EVI5: variants seen among roughly 807,000 people sequenced by gnomAD.
EVI5 encodes ecotropic viral integration site 5 protein homolog.
EVI5 carries 73 observed loss-of-function variants against 112.0 expected under a neutral mutation model. The observed-to-expected ratio is 0.65, with a 90% CI of 0.54 to 0.79. The LOEUF is 0.79. Among genes scored for constraint, EVI5 ranks in the 30% least tolerant of loss-of-function variants. The pLI, the probability that EVI5 is intolerant of heterozygous loss-of-function variation, is 0.00. For synonymous variants in EVI5, 305 were observed against 319.9 expected (o/e 0.95, Z 0.50); for missense variants, 900 against 968.8 (o/e 0.93, Z 0.94).
At chr1:92,632,495 T>C (rs1471061735) in intron 14 of EVI5, among the ~76,000 whole-genome samples, 4 of 152,210 alleles carry the variant, frequency 2.6e-5, no homozygotes, top group African/African-American at 4.8e-5. Flanking sequence ...CTGATGGTAG[T>C]TTGTATTTCT....
intron 2 of EVI5, among the ~76,000 whole-genome samples, chr1:92,715,068 C>A (rs750193482): frequency 2.6e-5 from 4 of 151,832 alleles, no homozygotes; most frequent in Non-Finnish European, 4.4e-5. Flanking sequence ...TGCAGTGGCA[C>A]GATCTCGGCT....
At chr1:92,736,198 CA>C (rs1238733040) in intron 2 of EVI5, among the ~76,000 whole-genome samples, 199 bp downstream of exon 2, 3 of 151,816 alleles carry the variant, frequency 2.0e-5, no homozygotes, top group Admixed American at 6.6e-5. Context: ...ATTAAGAAAA[CA>C]AATCTCTAAA....
At position 92,607,672 on chromosome 1, in the gene EVI5, T is replaced by G; in HGVS notation, c.1883A>C (p.Gln628Pro). ...RRAEQEVISL[Q>P]EKVQYLSAQN... ...TGCAGAAAGATACTGCACTTTCTCC[T>G]GTAGGCTAATCACCTCTTGTTCTGC... Residue 628 changes from glutamine to proline, a missense_variant, in exon 17 of 20, where the codon CAG becomes CCG. Transcript: ENST00000684568. 1 of 1,606,136 alleles carries G rather than the reference T, an allele frequency of 6.2e-7. No individual in the cohort carries two copies. The highest frequency in any genetic ancestry group is 2.2e-5 in the East Asian group (1 of 44,718).
chr1:92,599,387 T>A (rs562320551), intron 18 of EVI5, among the ~76,000 whole-genome samples: 1 of 152,104 alleles, frequency 6.6e-6, no homozygotes, highest in East Asian at 1.9e-4. Flanking sequence ...CTCCCCCTAG[T>A]GGAACTTGAA....
chr1:92,741,849 T>C (rs895294504), intron 1 of EVI5, among the ~76,000 whole-genome samples: 4 of 152,062 alleles, frequency 2.6e-5, no homozygotes, highest in South Asian at 2.1e-4. Flanking sequence ...ACCTAAATAA[T>C]AGAACTAAAA....
intron 10 of EVI5, among the ~76,000 whole-genome samples, chr1:92,676,604 G>C (rs898832700): frequency 6.6e-6 from 1 of 151,986 alleles, no homozygotes; most frequent in African/African-American, 2.4e-5. Context: ...TATGGAGGGG[G>C]GTACAAATTT....
rs1296132373 is a variant in EVI5 at position 92,513,539 on chromosome 1, ATATATATATATATATATATATATATATG to A, written c.*89_*116del. The A allele has an allele frequency of 0.27, 8,044 of 29,402 alleles. 436 individuals carry two copies. The highest frequency in any genetic ancestry group is 0.46 in the East Asian group (258 of 556). 1.8% of individuals were successfully genotyped at this position (29,402 alleles called of 1,614,324 possible). A position where few individuals can be genotyped will look rare whatever the true frequency, so the allele number is the denominator to read the frequency against. On this transcript the variant is annotated 3_prime_UTR_variant, in exon 20 of 20. Transcript: ENST00000684568. ...TATATATATATATATATATATATAT[ATATATATATATATATATATATATATATG>A]TACATATGAAACAAATTATTTCCAA...
At chr1:92,593,431 G>C (rs550806567) in intron 18 of EVI5, among the ~76,000 whole-genome samples, 1 of 152,178 alleles carries the variant, frequency 6.6e-6, no homozygotes, top group Non-Finnish European at 1.5e-5. Context: ...AAAATAATTA[G>C]AGCTATCTAT....
intron 19 of EVI5, among the ~76,000 whole-genome samples, chr1:92,531,027 C>T (rs562568335): frequency 1.3e-5 from 2 of 151,822 alleles, no homozygotes; most frequent in Non-Finnish European, 2.9e-5. Flanking sequence ...TGCAATGAAG[C>T]TAAGAACCTT....
intron 18 of EVI5, among the ~76,000 whole-genome samples, chr1:92,578,453 C>T (rs558737364): frequency 2.0e-5 from 3 of 152,174 alleles, no homozygotes; most frequent in South Asian, 2.1e-4. Flanking sequence ...GACGGCCGGG[C>T]GCCTGTAATC....
chr1:92,714,117 A>AC, intron 2 of EVI5: 1 of 980,746 alleles, frequency 1.0e-6, no homozygotes, highest in Admixed American at 6.1e-5. Context: ...TCAATTATTA[A>AC]CTTTCATCAA....
intron 18 of EVI5, among the ~76,000 whole-genome samples, chr1:92,565,450 T>G (rs1669291880): frequency 6.6e-6 from 1 of 152,104 alleles, no homozygotes; most frequent in Non-Finnish European, 1.5e-5. Flanking sequence ...TATTTACAGG[T>G]TTTTTTAAAA....
chr1:92,779,228 A>T lies in EVI5; in HGVS notation c.-82+5608T>A, dbSNP rs1024840020. On this transcript the variant is annotated intron_variant, in intron 1 of 19. Coordinates refer to ENST00000684568, the MANE Select transcript of EVI5 (RefSeq NM_001350197.2). ...GTAACTTGGAAGAAACTATGCAAGG[A>T]AAAGAAGGTCTAGGCCAGGTGCAGT... is the stretch of plus-strand genomic sequence containing the variant. 5.9e-5 allele frequency among the ~76,000 whole-genome samples: 9 copies of T among 152,262 alleles called. 1 individual carries two copies. The highest frequency in any genetic ancestry group is 3.9e-4 in the Admixed American group (6 of 15,290).
At chr1:92,592,836 C>G (rs1422130120) in intron 18 of EVI5, among the ~76,000 whole-genome samples, 2 of 152,148 alleles carry the variant, frequency 1.3e-5, no homozygotes, top group Non-Finnish European at 2.9e-5. Context: ...TGGATAAATT[C>G]CTCGACACAT....
chr1:92,634,183 A>G (rs1000668081), intron 14 of EVI5, among the ~76,000 whole-genome samples: 1 of 152,114 alleles, frequency 6.6e-6, no homozygotes, highest in African/African-American at 2.4e-5. Context: ...CTTGAGGAGT[A>G]TCTTTGTGGT....
chr1:92,636,808 T>G (rs1658930382), intron 13 of EVI5, among the ~76,000 whole-genome samples: 2 of 152,206 alleles, frequency 1.3e-5, no homozygotes, highest in Admixed American at 1.3e-4. Flanking sequence ...AAAATCTCAA[T>G]GATTTTTATA....
chr1:92,766,746 T>C (rs575942838), intron 1 of EVI5, among the ~76,000 whole-genome samples: 1 of 152,350 alleles, frequency 6.6e-6, no homozygotes, highest in South Asian at 2.1e-4. Flanking sequence ...GCCATCAAGC[T>C]GGTCCAAAAA....
At chr1:92,638,468 T>C (rs1557969877) in intron 13 of EVI5, among the ~76,000 whole-genome samples, 1 of 152,192 alleles carries the variant, frequency 6.6e-6, no homozygotes, top group African/African-American at 2.4e-5. Flanking sequence ...CCAATTAACA[T>C]ACTGCAAATT....
intron 19 of EVI5, among the ~76,000 whole-genome samples, chr1:92,522,650 A>AAAAAG (rs1411153775): frequency 5.9e-5 from 9 of 151,512 alleles, no homozygotes; most frequent in Non-Finnish European, 1.2e-4. Flanking sequence ...AAAAAAAAAA[A>AAAAAG]AGAATTTACA....
Sources: gnomAD v4.1 joint callset for allele counts (sites outside exome capture counted in the v4.1 genomes callset) on GRCh38, gnomAD v4.1.1 for gene constraint, MANE v1.5 for transcripts, NCBI Gene and HGNC (gene_info 2026-07-23, HGNC 2026-07-21) for gene names.